The following LRRTM4 variants were observed in gnomAD, a reference collection of about 807,000 sequenced individuals.
LRRTM4 encodes leucine-rich repeat transmembrane neuronal protein 4.
In LRRTM4, 25 loss-of-function variants were observed where a neutral mutation model predicts 47.6. The ratio of observed to expected loss-of-function variants is 0.53; its 90% CI spans 0.38 to 0.73. The LOEUF is 0.73. Among genes scored for constraint, LRRTM4 ranks in the 30% least tolerant of loss-of-function variants. The pLI is 0.00. For missense variants in LRRTM4, 638 were observed against 713.4 expected (o/e 0.89, Z 1.20); for synonymous variants, 311 against 269.5 (o/e 1.15, Z -1.51).
chr2:76,859,002 A>G (rs1672236392), intron 3 of LRRTM4, among the ~76,000 whole-genome samples: 1 of 152,156 alleles, frequency 6.6e-6, no homozygotes, highest in Non-Finnish European at 1.5e-5. Context: ...TCTCAGGGGA[A>G]AGGCTACACT....
At position 77,072,496 on chromosome 2, in the gene LRRTM4, T is replaced by A. The variant is rs181386842; in HGVS notation, c.1552-323580A>T. On this transcript the variant is annotated intron_variant, in intron 3 of 3. Coordinates refer to ENST00000409884, the MANE Select transcript of LRRTM4 (RefSeq NM_001134745.3). ...TGAGATTCCAACATACAATCCTGGG[T>A]CACCCAAGACTGCCTTATAGGCCAG... Among the ~76,000 whole-genome samples, 580 of 152,066 alleles carry A rather than the reference T, an allele frequency of 3.8e-3. 7 individuals carry two copies. Among genetic ancestry groups the A allele is most frequent in the Non-Finnish European group, 3.2e-3 (218 of 67,978 alleles).
intron 3 of LRRTM4, among the ~76,000 whole-genome samples, chr2:77,168,593 T>C (rs564162934): frequency 1.3e-5 from 2 of 152,294 alleles, no homozygotes; most frequent in South Asian, 2.1e-4. Flanking sequence ...TTTTGAAATA[T>C]ATGAGAAATG....
intron 3 of LRRTM4, among the ~76,000 whole-genome samples, chr2:77,336,796 A>G (rs1671183986): frequency 6.6e-6 from 1 of 152,128 alleles, no homozygotes; most frequent in Non-Finnish European, 1.5e-5. Flanking sequence ...CATTCCCCTA[A>G]TGAGTGGAAC....
At chr2:77,484,362 A>T (rs1301792520) in intron 3 of LRRTM4, among the ~76,000 whole-genome samples, 2 of 151,908 alleles carry the variant, frequency 1.3e-5, no homozygotes, top group Non-Finnish European at 2.9e-5. Flanking sequence ...CTGCCCTATC[A>T]TGGTGGATTA....
rs576729071 is a variant in LRRTM4 at position 76,847,719 on chromosome 2, T to G, written c.1552-98803A>C. Reference sequence around the variant, plus strand: ...TGTAAACATTCCATAGACACTCACTTTTATTTTACCTTTATTAACTACTTT... The same window carrying G: ...TGTAAACATTCCATAGACACTCACTGTTATTTTACCTTTATTAACTACTTT... On this transcript the variant is annotated intron_variant, in intron 3 of 3. Transcript: ENST00000409884. Among the ~76,000 whole-genome samples the G allele has an allele frequency of 1.0e-3, 158 of 152,210 alleles. 1 individual carries two copies. In the Middle Eastern group the frequency reaches 0.017, roughly 16 times the overall value.
intron 3 of LRRTM4, among the ~76,000 whole-genome samples, chr2:76,765,464 C>G (rs779756261): frequency 6.6e-6 from 1 of 152,220 alleles, no homozygotes; most frequent in East Asian, 1.9e-4. Context: ...CTCAGTATGG[C>G]TACATTTGGA....
chr2:77,319,846 G>A (rs1482721561), intron 3 of LRRTM4, among the ~76,000 whole-genome samples: 1 of 152,200 alleles, frequency 6.6e-6, no homozygotes, highest in Admixed American at 6.5e-5. Context: ...CAAAGGTGAA[G>A]ATTCATATAT....
intron 3 of LRRTM4, among the ~76,000 whole-genome samples, chr2:77,314,113 G>T (rs1051531623): frequency 5.3e-5 from 8 of 152,208 alleles, no homozygotes; most frequent in African/African-American, 1.9e-4. Context: ...GCAAACTCAC[G>T]CATATTTTAG....
chr2:77,153,203 C>T (rs534898590), intron 3 of LRRTM4, among the ~76,000 whole-genome samples: 6 of 152,210 alleles, frequency 3.9e-5, no homozygotes, highest in Middle Eastern at 3.4e-3. Flanking sequence ...AGCCTCCTAA[C>T]GAGGTACTGA....
intron 3 of LRRTM4, among the ~76,000 whole-genome samples, chr2:76,988,712 C>T (rs1392508454): frequency 6.6e-6 from 1 of 151,736 alleles, no homozygotes; most frequent in African/African-American, 2.4e-5. Context: ...TTCTGTTCTC[C>T]AAGAACTCTC....
chr2:77,382,793 AT>A (rs1203908964), intron 3 of LRRTM4, among the ~76,000 whole-genome samples: 1 of 152,064 alleles, frequency 6.6e-6, no homozygotes, highest in Non-Finnish European at 1.5e-5. Context: ...ACCTTTTTAA[AT>A]TTTTTAACTA....
chr2:76,917,774 CT>C (rs1362846303), intron 3 of LRRTM4, among the ~76,000 whole-genome samples: 2 of 152,144 alleles, frequency 1.3e-5, no homozygotes, highest in African/African-American at 4.8e-5. Flanking sequence ...TCTTTTGTCC[CT>C]GATACAAGTA....
chr2:77,023,532 C>A (rs1289449962), intron 3 of LRRTM4, among the ~76,000 whole-genome samples: 1 of 152,194 alleles, frequency 6.6e-6, no homozygotes, highest in Non-Finnish European at 1.5e-5. Context: ...TTAACAGCAC[C>A]CAAGTAACCT....
chr2:77,367,546 T>C (rs1213564346), intron 3 of LRRTM4, among the ~76,000 whole-genome samples: 2 of 151,898 alleles, frequency 1.3e-5, no homozygotes, highest in East Asian at 3.9e-4. Flanking sequence ...CTCCAACTTC[T>C]GAACTTCTGA....
intron 3 of LRRTM4, among the ~76,000 whole-genome samples, chr2:77,510,431 T>G (rs1019609593): frequency 1.3e-5 from 2 of 152,218 alleles, no homozygotes; most frequent in Middle Eastern, 3.4e-3. Context: ...ATTTCAAGGC[T>G]TTGCCTAATG....
At chr2:77,088,451 AC>A (rs1680801595) in intron 3 of LRRTM4, among the ~76,000 whole-genome samples, 2 of 151,948 alleles carry the variant, frequency 1.3e-5, no homozygotes, top group South Asian at 4.2e-4. Context: ...CTCAAAAAGC[AC>A]CCCGACTGAG....
intron 3 of LRRTM4, among the ~76,000 whole-genome samples, chr2:76,963,303 T>G (rs1272071648): frequency 6.6e-6 from 1 of 150,844 alleles, no homozygotes; most frequent in Non-Finnish European, 1.5e-5. Flanking sequence ...TATTCTTAAG[T>G]AAATGGCGAT....
chr2:77,254,312 C>A (rs6721283), intron 3 of LRRTM4, among the ~76,000 whole-genome samples: 1 of 151,504 alleles, frequency 6.6e-6, no homozygotes, highest in African/African-American at 2.4e-5. Flanking sequence ...GCAAAACTAT[C>A]CTTCATAAAT....
chr2:77,400,128 G>T (rs947221462), intron 3 of LRRTM4, among the ~76,000 whole-genome samples: 6 of 151,684 alleles, frequency 4.0e-5, no homozygotes, highest in Non-Finnish European at 8.9e-5. Context: ...AACTTTTTTA[G>T]ATTCCACATA....
Sources: gnomAD v4.1 joint callset for allele counts (sites outside exome capture counted in the v4.1 genomes callset) on GRCh38, gnomAD v4.1.1 for gene constraint, MANE v1.5 for transcripts, NCBI Gene and HGNC (gene_info 2026-07-23, HGNC 2026-07-21) for gene names.